The following UBA2 variants were observed in gnomAD, a reference collection of about 807,000 sequenced individuals.
UBA2 encodes SUMO-activating enzyme subunit 2.
UBA2 carries 11 observed loss-of-function variants against 77.2 expected under a neutral mutation model. The observed-to-expected ratio is 0.14, with a 90% CI of 0.09 to 0.24. UBA2 has a LOEUF of 0.24. UBA2 is among the 10% of genes least tolerant of loss of function. The pLI is 1.00. For synonymous variants in UBA2, 278 were observed against 276.7 expected (o/e 1.00, Z -0.05); for missense variants, 487 against 781.7 (o/e 0.62, Z 4.50).
intron 6 of UBA2, among the ~76,000 whole-genome samples, chr19:34,440,458 G>A (rs899853499): frequency 8.5e-5 from 13 of 152,186 alleles, no homozygotes; most frequent in Admixed American, 7.9e-4. Flanking sequence ...GGAGTATATT[G>A]TAATATTAGC....
intron 8 of UBA2, among the ~76,000 whole-genome samples, chr19:34,448,150 GATATTC>G (rs1250460723): frequency 6.6e-6 from 1 of 152,112 alleles, no homozygotes; most frequent in Non-Finnish European, 1.5e-5. Context: ...CCTAGGATCT[GATATTC>G]ATATTATAAC....
At chr19:34,445,475 T>C (rs1568374265) in intron 8 of UBA2, among the ~76,000 whole-genome samples, 1 of 148,492 alleles carries the variant, frequency 6.7e-6, no homozygotes, top group East Asian at 2.0e-4. Context: ...GTCTCACTCT[T>C]GTCGCCCAGG....
chr19:34,433,716 T>C (rs1332637503), intron 4 of UBA2, among the ~76,000 whole-genome samples: 1 of 152,154 alleles, frequency 6.6e-6, no homozygotes, highest in African/African-American at 2.4e-5. Context: ...TCCCAGCACT[T>C]TGAGAGACCA....
Position 34,428,763 on chromosome 19 carries a change from C to T in UBA2, c.138+193C>T. ...GACTGTTCTTTGGGCACGGGGCGGG[C>T]CTCCGCTCGCTGGGCCGGCTCCGGA... On this transcript the variant is annotated intron_variant, in intron 1 of 16. Transcript: ENST00000246548. 5 of 1,132,482 alleles carry T rather than the reference C, an allele frequency of 4.4e-6. No individual in the cohort carries two copies. The South Asian group carries it at 1.8e-4, about 42-fold the overall frequency. The allele number at this position is 1,132,482 out of a possible 1,614,324, so 70.2% of individuals were successfully genotyped here. A position where few individuals can be genotyped will look rare whatever the true frequency, so the allele number is the denominator to read the frequency against.
intron 1 of UBA2, chr19:34,428,866 T>C (rs2075218981): frequency 2.8e-6 from 3 of 1,069,784 alleles, no homozygotes; most frequent in Admixed American, 1.1e-4. Flanking sequence ...CCGCCTCTTA[T>C]CCTCCCTTCA....
intron 6 of UBA2, among the ~76,000 whole-genome samples, chr19:34,439,832 A>G (rs1010748418): frequency 2.6e-5 from 4 of 152,050 alleles, no homozygotes; most frequent in African/African-American, 9.7e-5. Flanking sequence ...TGAAGAAAGA[A>G]AGAAAAAAAG....
rs951886082 is a variant in UBA2 at position 34,429,181 on chromosome 19, G to T, written c.138+611G>T. On this transcript the variant is annotated intron_variant, in intron 1 of 16. Transcript: ENST00000246548. ...CCTGGGTCACGGAGCGAGTGGCAGGGCTCCCGCAGGCTGCGTGACTGTCAT... is the reference window on the plus strand; with the variant it reads ...CCTGGGTCACGGAGCGAGTGGCAGGTCTCCCGCAGGCTGCGTGACTGTCAT... 166 of 985,196 alleles carry T rather than the reference G, an allele frequency of 1.7e-4. 1 individual carries two copies. Among genetic ancestry groups the T allele is most frequent in the Non-Finnish European group, 5.2e-5 (43 of 829,856 alleles). 61.0% of individuals were successfully genotyped at this position (985,196 alleles called of 1,614,324 possible).
At chr19:34,434,795 G>A in intron 4 of UBA2, 73 bp from the exon 5 acceptor site, 1 of 1,142,134 alleles carries the variant, frequency 8.8e-7, no homozygotes. Flanking sequence ...ATAGTTTTGA[G>A]TCTGTGTCAT....
At chr19:34,455,011 C>A (rs1052837474) in intron 12 of UBA2, among the ~76,000 whole-genome samples, 1 of 152,034 alleles carries the variant, frequency 6.6e-6, no homozygotes, top group Non-Finnish European at 1.5e-5. Context: ...TGCTATTTCT[C>A]GTAGTGATTT....
At chr19:34,456,917 T>TC (rs2075569428) in intron 12 of UBA2, among the ~76,000 whole-genome samples, 1 of 151,854 alleles carries the variant, frequency 6.6e-6, no homozygotes, top group Non-Finnish European at 1.5e-5. Flanking sequence ...AGCTGTAGTA[T>TC]CCCTTTGAGC....
intron 2 of UBA2, among the ~76,000 whole-genome samples, chr19:34,431,487 T>C (rs1212707937): frequency 6.6e-6 from 1 of 152,088 alleles, no homozygotes; most frequent in Non-Finnish European, 1.5e-5. Context: ...ATTTGATTAA[T>C]GTCTCTCTTG....
chr19:34,433,365 A>G lies in UBA2; in HGVS notation c.311A>G (p.Glu104Gly). 1 of 1,612,086 alleles carries G rather than the reference A, an allele frequency of 6.2e-7. No homozygotes were observed. ...DSIMNPDYNV[E>G]FFRQFILVMN... Reference sequence around the variant, plus strand: ...TTTTGTAGCCCTGACTATAATGTGGAATTTTTCCGACAGTTTATACTGGTT... The same window carrying G: ...TTTTGTAGCCCTGACTATAATGTGGGATTTTTCCGACAGTTTATACTGGTT... Residue 104 changes from glutamate to glycine, a missense_variant, in exon 4 of 17, where the codon GAA (glutamate) becomes GGA (glycine). Transcript: ENST00000246548.
rs766043321 is a variant in UBA2, at chr19:34,457,179, AATAT to A, written c.1246-1558_1246-1555del. 5.1e-4 allele frequency among the ~76,000 whole-genome samples: 27 copies of A among 53,226 alleles called. 1 individual carries two copies. The highest frequency in any genetic ancestry group is 2.6e-3 in the African/African-American group (22 of 8,532). 34.9% of individuals were successfully genotyped at this position (53,226 alleles called of 152,430 possible). A position where few individuals can be genotyped will look rare whatever the true frequency, so the allele number is the denominator to read the frequency against. On this transcript the variant is annotated intron_variant, in intron 12 of 16. Transcript: ENST00000246548. ...CCTGGTCTCTACTAAAAAAAAAAAAAATATATATATATATATATATATATATATA... is the reference window on the plus strand; with the variant it reads ...CCTGGTCTCTACTAAAAAAAAAAAAAATATATATATATATATATATATATA...
chr19:34,438,377 G>A (rs1172752249), intron 5 of UBA2, among the ~76,000 whole-genome samples: 1 of 152,146 alleles, frequency 6.6e-6, no homozygotes, highest in Non-Finnish European at 1.5e-5. Context: ...TGACACTCAG[G>A]TGTAGTAATT....
At chr19:34,461,999 A>G (rs1210295878) in intron 14 of UBA2, among the ~76,000 whole-genome samples, 2 of 152,202 alleles carry the variant, frequency 1.3e-5, no homozygotes, top group African/African-American at 2.4e-5. Flanking sequence ...TGAACTTGTG[A>G]AACAACCTAA....
At chr19:34,430,550 T>C in intron 1 of UBA2, 26 bp from the exon 2 acceptor site, 3 of 1,577,002 alleles carry the variant, frequency 1.9e-6, no homozygotes, top group Non-Finnish European at 2.6e-6. Context: ...ACGTTTGTCA[T>C]TTATCTGGGG....
intron 7 of UBA2, 93 bp from the exon 8 acceptor site, chr19:34,444,907 A>ATT: frequency 7.4e-7 from 1 of 1,353,190 alleles, no homozygotes; most frequent in Non-Finnish European, 1.0e-6. Context: ...GGGGATTTCC[A>ATT]TGAGTGACTT....
In UBA2 at chr19:34,469,732, A is replaced by T. The variant is rs2075720898; in HGVS notation, c.*511A>T. ...ATGTATATTAATGTAAAACAATGTT[A>T]ATTTACTCAAGTTTTCAGTTTGTAC... On this transcript the variant is annotated 3_prime_UTR_variant, in exon 17 of 17. Transcript: ENST00000246548. 6.6e-6 allele frequency: 1 copy of T among 152,630 alleles called. No homozygotes were observed. Among genetic ancestry groups the T allele is most frequent in the African/African-American group, 2.4e-5 (1 of 41,452 alleles). 9.5% of individuals were successfully genotyped at this position (152,630 alleles called of 1,614,324 possible). A position where few individuals can be genotyped will look rare whatever the true frequency, so the allele number is the denominator to read the frequency against.
intron 1 of UBA2, chr19:34,428,781 G>A: frequency 1.8e-6 from 2 of 1,138,656 alleles, no homozygotes; most frequent in East Asian, 3.5e-5. Flanking sequence ...CGCTGGGCCG[G>A]CTCCGGACGC....
Sources: gnomAD v4.1 joint callset for allele counts (sites outside exome capture counted in the v4.1 genomes callset) on GRCh38, gnomAD v4.1.1 for gene constraint, MANE v1.5 for transcripts, NCBI Gene and HGNC (gene_info 2026-07-23, HGNC 2026-07-21) for gene names.